FAM234A: variants seen among roughly 807,000 people sequenced by gnomAD.
FAM234A encodes family with sequence similarity 234 member A, also known as protein FAM234A.
A neutral mutation model predicts 49.1 loss-of-function variants in FAM234A; 42 were observed. The observed-to-expected ratio is 0.86, with a 90% CI of 0.67 to 1.11. FAM234A has a LOEUF of 1.11. Among genes scored for constraint, FAM234A ranks in the 50% least tolerant of loss-of-function variants. FAM234A has a pLI of 0.00. For missense variants in FAM234A, 815 were observed against 745.2 expected, an observed-to-expected ratio of 1.09 and a Z score of -1.09; for synonymous variants, 369 against 316.2, an observed-to-expected ratio of 1.17 and a Z score of -1.77.
intron 1 of FAM234A, among the ~76,000 whole-genome samples, chr16:238,481 T>C (rs1249208640): frequency 6.6e-6 from 1 of 152,078 alleles, no homozygotes; most frequent in Non-Finnish European, 1.5e-5. Flanking sequence ...TAAATTACTG[T>C]TCTGGCCAGG....
rs962376950 is a variant in FAM234A, at chr16:264,596, T to C, written c.1345-18T>C. On this transcript the variant is annotated intron_variant, in intron 11 of 12. Transcript: ENST00000399932. ...GCTCAGTGAAGGGCGTGGGGCCCAT[T>C]GCTGGTTCTCGCTCCAGGAGACCGG... 3 of 1,564,756 alleles carry C rather than the reference T, an allele frequency of 1.9e-6. No individual in the cohort carries two copies. Among genetic ancestry groups the C allele is most frequent in the African/African-American group, 2.7e-5 (2 of 73,984 alleles).
chr16:263,346 G>T lies in FAM234A; in HGVS notation c.1056G>T (p.Leu352=). The change falls in exon 9 of 13, where the codon CTG becomes CTT. Residue 352 remains leucine, a synonymous_variant. Coordinates refer to ENST00000399932, the MANE Select transcript of FAM234A (RefSeq NM_032039.4). ...TTGTGGGCTCAGAGGCCTTCGTGCT[G>T]CTGGACGGGCAGGAGCTGACGCCTC... ...VLLVGSEAFV[L]LDGQELTPRW... The T allele has an allele frequency of 6.2e-7, 1 of 1,612,904 alleles. No homozygotes were observed.
At chr16:238,635 G>A (rs1257419823) in intron 1 of FAM234A, among the ~76,000 whole-genome samples, 2 of 151,520 alleles carry the variant, frequency 1.3e-5, no homozygotes, top group Non-Finnish European at 2.9e-5. Flanking sequence ...GCGTGGTGAC[G>A]GGTGCCTGTA....
At chr16:236,785 A>AC (rs2050415735) in intron 1 of FAM234A, among the ~76,000 whole-genome samples, 1 of 121,310 alleles carries the variant, frequency 8.2e-6, no homozygotes, top group African/African-American at 2.8e-5. Flanking sequence ...GGGCGCCTGT[A>AC]GTCCCAGCTA....
intron 6 of FAM234A, 118 bp from the exon 7 acceptor site, chr16:261,975 C>G: frequency 2.3e-6 from 2 of 860,770 alleles, no homozygotes; most frequent in Non-Finnish European, 3.0e-6. Flanking sequence ...ACGTCCCTCT[C>G]TTCCTGGGCC....
downstream of FAM234A, among the ~76,000 whole-genome samples, chr16:267,653 A>ATAC (rs2051730966): frequency 1.2e-5 from 1 of 83,212 alleles, no homozygotes; most frequent in African/African-American, 1.2e-4. Context: ...ACACGTGCAC[A>ATAC]CACATATGCA....
At chr16:259,771 A>C (rs906472421) in intron 4 of FAM234A, among the ~76,000 whole-genome samples, 172 bp downstream of exon 4, 2 of 152,164 alleles carry the variant, frequency 1.3e-5, no homozygotes, top group Non-Finnish European at 2.9e-5. Context: ...CAGTCCCAGC[A>C]CTGCCCTGGC....
At chr16:263,964 C>A (rs1008962748) in intron 10 of FAM234A, 52 bp from the exon 11 acceptor site, 81 of 1,577,824 alleles carry the variant, frequency 5.1e-5, no homozygotes, top group Middle Eastern at 3.4e-4. Flanking sequence ...AAGCCTCGAG[C>A]TTTTCCCGGT....
downstream of FAM234A, among the ~76,000 whole-genome samples, chr16:266,971 G>T (rs2051710425): frequency 1.3e-5 from 2 of 152,086 alleles, no homozygotes; most frequent in African/African-American, 4.8e-5. Flanking sequence ...GCCATGGAGG[G>T]GTGGGCAGGG....
At chr16:238,629 G>T (rs1478795710) in intron 1 of FAM234A, among the ~76,000 whole-genome samples, 3 of 151,658 alleles carry the variant, frequency 2.0e-5, no homozygotes, top group Non-Finnish European at 4.4e-5. Flanking sequence ...AGCCAGGCGT[G>T]GTGACGGGTG....
In FAM234A at chr16:255,954, G is replaced by A. The variant is rs562637334; in HGVS notation, c.268+1273G>A. 2.0e-5 allele frequency among the ~76,000 whole-genome samples: 3 copies of A among 152,348 alleles called. No homozygotes were observed. The South Asian group carries it at 6.2e-4, about 32-fold the overall frequency. ...GCTGGGATTACCGGCGTGAGCCACC[G>A]CGCCCGGCCTCTAGACATTTCTTAG... On this transcript the variant is annotated intron_variant, in intron 3 of 12. Coordinates refer to ENST00000399932, the MANE Select transcript of FAM234A (RefSeq NM_032039.4).
At chr16:268,992 T>C, downstream of FAM234A, 1 of 1,488,972 alleles carries the variant, frequency 6.7e-7, no homozygotes, top group Admixed American at 2.0e-5. Flanking sequence ...GGCCTTGGTC[T>C]CACCTCTCTT....
chr16:263,487 C>T (rs1335625023), intron 9 of FAM234A, 85 bp downstream of exon 9: 21 of 1,550,038 alleles, frequency 1.4e-5, no homozygotes, highest in East Asian at 9.2e-5. Flanking sequence ...GAGGAGACAG[C>T]GCTGGGGGTG....
chr16:237,539 G>T (rs537899502), intron 1 of FAM234A, among the ~76,000 whole-genome samples: 4 of 152,104 alleles, frequency 2.6e-5, no homozygotes, highest in East Asian at 3.9e-4. Context: ...CACTCACAAG[G>T]CTAGTGACTG....
intron 3 of FAM234A, among the ~76,000 whole-genome samples, chr16:258,010 A>G (rs1189052411): frequency 1.3e-5 from 2 of 152,006 alleles, no homozygotes; most frequent in Non-Finnish European, 2.9e-5. Context: ...GGCGCCCGCC[A>G]CCACGCCCGG....
At chr16:259,322 G>A (rs1056510532) in intron 3 of FAM234A, among the ~76,000 whole-genome samples, 161 bp from the exon 4 acceptor site, 1 of 152,092 alleles carries the variant, frequency 6.6e-6, no homozygotes, top group East Asian at 1.9e-4. Flanking sequence ...TGGTTTTCAC[G>A]AAGGAAATTA....
chr16:254,711 T>A, intron 3 of FAM234A, 30 bp downstream of exon 3: 2 of 1,607,452 alleles, frequency 1.2e-6, no homozygotes, highest in Non-Finnish European at 1.7e-6. Context: ...CCCAGTGGGG[T>A]CCAAAGCAGC....
At chr16:263,672 C>T (rs775172598) in intron 9 of FAM234A, 28 bp from the exon 10 acceptor site, 44 of 1,571,736 alleles carry the variant, frequency 2.8e-5, no homozygotes, top group South Asian at 2.5e-4. Flanking sequence ...TGAGACCCCT[C>T]GTGAGCGCTT....
chr16:245,993 T>G (rs927946148), intron 1 of FAM234A, among the ~76,000 whole-genome samples: 1 of 151,916 alleles, frequency 6.6e-6, no homozygotes, highest in African/African-American at 2.4e-5. Flanking sequence ...GATCACGAGG[T>G]CAGCAGTTCT....
Sources: allele counts gnomAD v4.1 joint callset (sites outside exome capture counted in the v4.1 genomes callset), GRCh38; gene constraint gnomAD v4.1.1; transcripts MANE v1.5; gene names NCBI Gene and HGNC (gene_info 2026-07-23, HGNC 2026-07-21).